The following RPA1 variants were observed in gnomAD, a reference collection of about 807,000 sequenced individuals.
RPA1 encodes the protein replication protein A1, also known as replication protein A 70 kDa DNA-binding subunit.
RPA1 carries 49 observed loss-of-function variants against 83.0 expected under a neutral mutation model. That is an observed-to-expected ratio of 0.59 (90% CI 0.47 to 0.75). The LOEUF (loss-of-function observed/expected upper bound fraction) is 0.75. Ranked by LOEUF, RPA1 falls within the 30% of genes least tolerant of loss-of-function variation. The probability of loss-of-function intolerance (pLI) is 0.00; values close to 1 mark genes in which losing one functional copy is unlikely to be tolerated. For missense variants in RPA1, 693 were observed against 776.1 expected (o/e 0.89, Z 1.27); for synonymous variants, 279 against 281.8 (o/e 0.99, Z 0.10).
intron 1 of RPA1, among the ~76,000 whole-genome samples, chr17:1,841,181 C>G (rs1247860621): frequency 1.3e-5 from 2 of 152,204 alleles, no homozygotes; most frequent in African/African-American, 2.4e-5. Context: ...TTATTCCACA[C>G]CAGCCTTGTG....
intron 5 of RPA1, among the ~76,000 whole-genome samples, chr17:1,868,693 C>T (rs1913273778): frequency 6.6e-6 from 1 of 152,012 alleles, no homozygotes; most frequent in Admixed American, 6.6e-5. Flanking sequence ...GAGTTGAGAT[C>T]GCGCCACTGC....
intron 16 of RPA1, among the ~76,000 whole-genome samples, chr17:1,895,356 T>C (rs906693296): frequency 3.4e-4 from 51 of 151,824 alleles, no homozygotes; most frequent in African/African-American, 1.1e-3. Context: ...TTATTTTTAT[T>C]TTTTTTCAGT....
chr17:1,885,185 C>CA (rs1208910228), intron 13 of RPA1, among the ~76,000 whole-genome samples: 2 of 152,218 alleles, frequency 1.3e-5, no homozygotes, highest in African/African-American at 4.8e-5. Flanking sequence ...CAACAATGCT[C>CA]ACAGCGTTCT....
At chr17:1,842,771 T>C in intron 1 of RPA1, 32 bp from the exon 2 acceptor site, 1 of 1,588,944 alleles carries the variant, frequency 6.3e-7, no homozygotes, top group Non-Finnish European at 8.6e-7. Flanking sequence ...TTTGAGTGCG[T>C]ATCTCACACA....
At chr17:1,842,277 A>G (rs763909703) in intron 1 of RPA1, among the ~76,000 whole-genome samples, 1 of 152,092 alleles carries the variant, frequency 6.6e-6, no homozygotes, top group African/African-American at 2.4e-5. Context: ...TTGTTCTTAA[A>G]TGTTAGATAG....
At chr17:1,862,717 C>CTTTTTTT (rs71150827) in intron 5 of RPA1, among the ~76,000 whole-genome samples, 3 of 51,790 alleles carry the variant, frequency 5.8e-5, no homozygotes, top group Non-Finnish European at 1.0e-4. Context: ...CTGTGCCCAG[C>CTTTTTTT]TTTTTTTTTT....
At chr17:1,865,898 G>C (rs2151281193) in intron 5 of RPA1, among the ~76,000 whole-genome samples, 1 of 152,264 alleles carries the variant, frequency 6.6e-6, no homozygotes, top group East Asian at 1.9e-4. Flanking sequence ...GTCTCCCAAA[G>C]TGCTAGGATT....
In RPA1 at chr17:1,879,678, T is replaced by G. The variant is rs371216980; in HGVS notation, c.1071T>G (p.Thr357=). ...TGGACACATCCGGGAAGGTGGTGAC[T>G]GCTACACTGTGGGGGGAAGATGTAA... The part of the protein sequence containing the change: ...YLMDTSGKVV[T]ATLWGEDADK... The change falls in exon 11 of 17, where the codon ACT becomes ACG. Residue 357 remains threonine (T), a synonymous_variant. Transcript: ENST00000254719. The G allele has an allele frequency of 6.2e-7, 1 of 1,614,228 alleles. No individual in the cohort carries two copies. The highest frequency in any genetic ancestry group is 8.5e-7 in the Non-Finnish European group (1 of 1,180,030).
intron 1 of RPA1, among the ~76,000 whole-genome samples, chr17:1,837,139 A>G (rs1911856736): frequency 6.6e-6 from 1 of 151,946 alleles, no homozygotes; most frequent in Non-Finnish European, 1.5e-5. Context: ...CCCGGCCTAA[A>G]AATATTTTTT....
chr17:1,854,264 T>C (rs4995354), intron 5 of RPA1: 119,356 of 152,062 alleles, frequency 0.78, 48,974 homozygotes, highest in Non-Finnish European at 0.92. Context: ...AAAAGCCTCA[T>C]TTGACACCAA....
In RPA1 at chr17:1,846,198, A is replaced by G. The variant is rs528551429; in HGVS notation, c.272+1512A>G. 8.9e-5 allele frequency among the ~76,000 whole-genome samples: 13 copies of G among 146,832 alleles called. No homozygotes were observed. In the South Asian group the frequency reaches 1.9e-3, roughly 22 times the overall value. On this transcript the variant is annotated intron_variant, in intron 4 of 16. Coordinates refer to ENST00000254719, the MANE Select transcript of RPA1 (RefSeq NM_002945.5). ...AGAATGACCACTTGCCTGGCTGTCT[A>G]TTGTTAGGTTATGTGGCTTTACCCT...
At chr17:1,865,977 C>T (rs1340951156) in intron 5 of RPA1, among the ~76,000 whole-genome samples, 1 of 152,024 alleles carries the variant, frequency 6.6e-6, no homozygotes, top group Non-Finnish European at 1.5e-5. Context: ...GTGGTGGCCC[C>T]CGCCTGTAAT....
intron 14 of RPA1, 39 bp downstream of exon 14, chr17:1,888,890 A>G (rs1299209865): frequency 6.3e-7 from 1 of 1,589,412 alleles, no homozygotes; most frequent in South Asian, 1.1e-5. Context: ...GGTTGTGTTC[A>G]CGGAGGCCCT....
At position 1,844,631 on chromosome 17, in the gene RPA1, A is replaced by T; in HGVS notation, c.217A>T (p.Ser73Cys). Residue 73 changes from serine (S) to cysteine (C), a missense_variant, in exon 4 of 17, where the codon AGC becomes TGC. By Grantham distance (112) the Ser-to-Cys change is moderately radical. Transcript: ENST00000254719. ...TCTCGTGGAGGAAGAACAATTGTCCAGCAACTGTGTATGCCAGATTCACAG... is the reference window on the plus strand; with the variant it reads ...TCTCGTGGAGGAAGAACAATTGTCCTGCAACTGTGTATGCCAGATTCACAG... ...NPLVEEEQLSSNCVCQIHRFI... is the reference protein window; with the variant it reads ...NPLVEEEQLSCNCVCQIHRFI... 6.2e-7 allele frequency: 1 copy of T among 1,613,928 alleles called. No homozygotes were observed. Among genetic ancestry groups the T allele is most frequent in the Non-Finnish European group, 8.5e-7 (1 of 1,179,936 alleles).
chr17:1,889,552 G>A (rs1914127902), intron 14 of RPA1, among the ~76,000 whole-genome samples: 1 of 152,030 alleles, frequency 6.6e-6, no homozygotes, highest in Non-Finnish European at 1.5e-5. Context: ...TGCTGTTCAG[G>A]TTGGTCTCAA....
rs962859520 is a variant in RPA1, at chr17:1,888,716, C to T, written c.1416C>T (p.Arg472=). The T allele has an allele frequency of 1.1e-5, 17 of 1,614,010 alleles. No homozygotes were observed. In the Admixed American group the frequency reaches 2.7e-4, roughly 25 times the overall value. ...CTGTGGCCACAGTGGTGTATCTTCG[C>T]AAAGAGAACTGCATGTACCAAGCCT... is the stretch of plus-strand genomic sequence containing the variant. ...FSSVATVVYL[R]KENCMYQACP... Residue 472 remains arginine (R), a synonymous_variant, in exon 14 of 17, where the codon CGC becomes CGT. Coordinates refer to ENST00000254719, the MANE Select transcript of RPA1 (RefSeq NM_002945.5).
intron 5 of RPA1, among the ~76,000 whole-genome samples, chr17:1,860,515 G>A (rs867013853): frequency 6.6e-6 from 1 of 152,186 alleles, no homozygotes; most frequent in Non-Finnish European, 1.5e-5. Context: ...CTAATCTGCT[G>A]TTAATCCCAT....
Position 1,880,572 on chromosome 17 carries a change from C to G in RPA1, c.1122C>G (p.Pro374=), listed in dbSNP as rs775451626. The G allele has an allele frequency of 2.5e-6, 4 of 1,613,814 alleles. No homozygotes were observed. The highest frequency in any genetic ancestry group is 1.7e-5 in the Admixed American group (1 of 59,996). The change falls in exon 12 of 17, where the codon CCC becomes CCG. Residue 374 remains proline (P), a synonymous_variant. Coordinates refer to ENST00000254719, the MANE Select transcript of RPA1 (RefSeq NM_002945.5). The part of the protein sequence containing the change: ...DADKFDGSRQ[P]VLAIKGARVS... The stretch of plus-strand genomic sequence containing the variant: ...ATAAATTTGATGGTTCTAGACAGCC[C>G]GTGTTGGCTATCAAAGGAGCCCGAG...
intron 15 of RPA1, among the ~76,000 whole-genome samples, chr17:1,893,268 T>C (rs1342154576): frequency 6.6e-6 from 1 of 152,254 alleles, no homozygotes; most frequent in Non-Finnish European, 1.5e-5. Context: ...TTTATGAGCT[T>C]ATTATATTTG....
Sources: allele counts gnomAD v4.1 joint callset (sites outside exome capture counted in the v4.1 genomes callset), GRCh38; gene constraint gnomAD v4.1.1; transcripts MANE v1.5; gene names NCBI Gene and HGNC (gene_info 2026-07-23, HGNC 2026-07-21).